The following PTBP2 variants were observed in gnomAD, a reference collection of about 807,000 sequenced individuals.
PTBP2 encodes polypyrimidine tract binding protein 2, also known as polypyrimidine tract-binding protein 2.
A neutral mutation model predicts 61.4 loss-of-function variants in PTBP2; 13 were observed. The observed-to-expected ratio is 0.21, with a 90% CI of 0.14 to 0.34. The LOEUF is 0.34. Ranked by LOEUF, PTBP2 falls within the 10% of genes least tolerant of loss-of-function variation. PTBP2 has a pLI of 1.00. For synonymous variants in PTBP2, 215 were observed against 218.5 expected (o/e 0.98, Z 0.14); for missense variants, 405 against 642.6 (o/e 0.63, Z 4.00).
At chr1:96,793,187 C>T (rs1415874048) in intron 8 of PTBP2, among the ~76,000 whole-genome samples, 1 of 152,082 alleles carries the variant, frequency 6.6e-6, no homozygotes, top group Middle Eastern at 3.2e-3. Flanking sequence ...ATAGTTGGAG[C>T]ATGCCTCTTT....
chr1:96,722,158 G>A (rs1457347561), intron 1 of PTBP2, among the ~76,000 whole-genome samples: 1 of 152,152 alleles, frequency 6.6e-6, no homozygotes, highest in African/African-American at 2.4e-5. Flanking sequence ...GGGGGATGGG[G>A]TGGGAACCCC....
rs1020815905 is a variant in PTBP2 at position 96,813,544 on chromosome 1, A to T, written c.*139A>T. On this transcript the variant is annotated 3_prime_UTR_variant, in exon 14 of 14. Transcript: ENST00000674951. ...GTTTCTTTTTTTTTTCCATGCTGTT[A>T]TCATTCCTTGGTTATAAAATGAAAT... is the stretch of plus-strand genomic sequence containing the variant. The T allele has an allele frequency of 1.4e-5, 11 of 784,480 alleles. No homozygotes were observed. The highest frequency in any genetic ancestry group is 5.5e-6 in the Non-Finnish European group (3 of 545,236). 48.6% of individuals were successfully genotyped at this position (784,480 alleles called of 1,614,324 possible).
intron 3 of PTBP2, among the ~76,000 whole-genome samples, chr1:96,762,046 A>G (rs1232664898): frequency 7.3e-5 from 11 of 150,954 alleles, no homozygotes; most frequent in African/African-American, 2.2e-4. Flanking sequence ...CAGAGAGCAC[A>G]GGGTTGGGGG....
chr1:96,723,630 G>A, intron 2 of PTBP2, 36 bp downstream of exon 2: 3 of 1,530,060 alleles, frequency 2.0e-6, no homozygotes, highest in Admixed American at 1.7e-5. Context: ...GGGATTGTTG[G>A]ATCTATTATC....
rs1313107603 is a variant in PTBP2, at chr1:96,784,500, TG to T, written c.709-554del. 2.0e-5 allele frequency among the ~76,000 whole-genome samples: 3 copies of T among 152,218 alleles called. No homozygotes were observed. In the South Asian group the frequency reaches 6.2e-4, roughly 32 times the overall value. On this transcript the variant is annotated intron_variant, in intron 7 of 13. Transcript: ENST00000674951. ...GCTAATTTCATCAAGATAATCTGAT[TG>T]GGGGTGAACATTTCAGGTTAAGGAA... is the stretch of plus-strand genomic sequence containing the variant.
In PTBP2 at chr1:96,735,250, A is replaced by T. The variant is rs539015667; in HGVS notation, c.39+11656A>T. 3.3e-5 allele frequency among the ~76,000 whole-genome samples: 5 copies of T among 152,220 alleles called. No homozygotes were observed. The East Asian group carries it at 9.7e-4, about 29-fold the overall frequency. On this transcript the variant is annotated intron_variant, in intron 2 of 13. Coordinates refer to ENST00000674951, the MANE Select transcript of PTBP2 (RefSeq NM_021190.4). ...GTCTCTTAATGAGTATTCTTAAAGG[A>T]TATCTAAAAAGAAATGTAACTTAAA...
chr1:96,820,095 C>T (rs907908285), exon 14 of PTBP2: 1 of 151,902 alleles, frequency 6.6e-6, no homozygotes, highest in African/African-American at 2.4e-5. Flanking sequence ...CATTTAAAAA[C>T]CATTATTTTC....
intron 2 of PTBP2, among the ~76,000 whole-genome samples, chr1:96,749,044 C>G (rs1447752334): frequency 6.6e-6 from 1 of 152,002 alleles, no homozygotes; most frequent in Non-Finnish European, 1.5e-5. Flanking sequence ...TGTTAAATCT[C>G]CTCTCTTAAC....
chr1:96,729,452 A>C (rs1651069585), intron 2 of PTBP2, among the ~76,000 whole-genome samples: 1 of 152,140 alleles, frequency 6.6e-6, no homozygotes, highest in Non-Finnish European at 1.5e-5. Context: ...GTTTAATAGA[A>C]GTGTTGAGAG....
chr1:96,729,531 A>C (rs954325492), intron 2 of PTBP2, among the ~76,000 whole-genome samples: 1 of 152,150 alleles, frequency 6.6e-6, no homozygotes, highest in South Asian at 2.1e-4. Flanking sequence ...GACACAGTTC[A>C]CTAGTGAAGC....
At chr1:96,757,216 C>T (rs1295087325) in intron 3 of PTBP2, among the ~76,000 whole-genome samples, 4 of 152,010 alleles carry the variant, frequency 2.6e-5, no homozygotes, top group Admixed American at 6.6e-5. Flanking sequence ...ACTGTCAATA[C>T]GAGGGTCAGG....
chr1:96,722,550 TG>T (rs1649760312), intron 1 of PTBP2, among the ~76,000 whole-genome samples: 1 of 152,072 alleles, frequency 6.6e-6, no homozygotes, highest in African/African-American at 2.4e-5. Flanking sequence ...AATGCCTTTT[TG>T]TGGGGACTGA....
At chr1:96,750,160 G>A (rs1050075883) in intron 2 of PTBP2, among the ~76,000 whole-genome samples, 2 of 151,868 alleles carry the variant, frequency 1.3e-5, no homozygotes, top group Non-Finnish European at 2.9e-5. Flanking sequence ...CTGTCAGTAA[G>A]CTTCCAGGTC....
At chr1:96,791,834 T>TGTTTTTTTTTTTG (rs71590211) in intron 8 of PTBP2, among the ~76,000 whole-genome samples, 12 of 128,808 alleles carry the variant, frequency 9.3e-5, no homozygotes, top group Admixed American at 3.3e-4. Context: ...TGCTTTTTTT[T>TGTTTTTTTTTTTG]TTTTTTTTTT....
intron 2 of PTBP2, chr1:96,749,764 A>G (rs1570779520): frequency 7.2e-6 from 3 of 416,474 alleles, no homozygotes; most frequent in East Asian, 7.3e-5. Flanking sequence ...AGTGAGCACT[A>G]CTGATGTGAG....
chr1:96,799,045 C>A (rs1410320586), intron 8 of PTBP2, among the ~76,000 whole-genome samples: 1 of 152,082 alleles, frequency 6.6e-6, no homozygotes, highest in African/African-American at 2.4e-5. Flanking sequence ...GACTTAGGGT[C>A]TCTTGTCATA....
intron 3 of PTBP2, among the ~76,000 whole-genome samples, chr1:96,761,829 T>A (rs1655915362): frequency 6.6e-6 from 1 of 151,888 alleles, no homozygotes; most frequent in South Asian, 2.1e-4. Context: ...GGAGGGAAGG[T>A]CAGCAGATAA....
At chr1:96,794,564 G>T (rs559794780) in intron 8 of PTBP2, among the ~76,000 whole-genome samples, 1 of 152,122 alleles carries the variant, frequency 6.6e-6, no homozygotes, top group Non-Finnish European at 1.5e-5. Flanking sequence ...GCTCATTTCA[G>T]TGTCATCCTG....
chr1:96,740,950 A>G (rs1448216236), intron 2 of PTBP2, among the ~76,000 whole-genome samples: 2 of 151,924 alleles, frequency 1.3e-5, no homozygotes, highest in East Asian at 1.9e-4. Flanking sequence ...ACGTGTTAAT[A>G]TTAGAGTTTC....
Sources: gnomAD v4.1 joint callset for allele counts (sites outside exome capture counted in the v4.1 genomes callset) on GRCh38, gnomAD v4.1.1 for gene constraint, MANE v1.5 for transcripts, NCBI Gene and HGNC (gene_info 2026-07-23, HGNC 2026-07-21) for gene names.